Variants in NEIL3 observed in about 807,000 individuals in gnomAD.
NEIL3 encodes the protein nei like DNA glycosylase 3.
Under a neutral mutation model 57.5 loss-of-function variants are expected in NEIL3, and 48 were observed. The ratio of observed to expected loss-of-function variants is 0.83; its 90% CI spans 0.66 to 1.06. The LOEUF is 1.06. Among genes scored for constraint, NEIL3 ranks in the 50% least tolerant of loss-of-function variants. NEIL3 has a pLI of 0.00. For synonymous variants in NEIL3, 261 were observed against 253.2 expected (o/e 1.03, Z -0.29); for missense variants, 717 against 739.1 (o/e 0.97, Z 0.35).
chr4:177,323,442 T>C (rs1219374817), intron 2 of NEIL3, among the ~76,000 whole-genome samples: 1 of 152,180 alleles, frequency 6.6e-6, no homozygotes, highest in Non-Finnish European at 1.5e-5. Flanking sequence ...TACTATATGA[T>C]TGTTCTTTAT....
At chr4:177,334,317 AAAAT>A (rs1039928796) in intron 2 of NEIL3, among the ~76,000 whole-genome samples, 14 of 152,150 alleles carry the variant, frequency 9.2e-5, no homozygotes, top group African/African-American at 2.7e-4. Flanking sequence ...TTAATAAAAC[AAAAT>A]AAATAAAAAT....
At chr4:177,330,931 A>G (rs143353572) in intron 2 of NEIL3, among the ~76,000 whole-genome samples, 156 of 152,310 alleles carry the variant, frequency 1.0e-3, no homozygotes, top group African/African-American at 3.4e-3. Context: ...ATATTGGACA[A>G]TACAGCTCAC....
intron 1 of NEIL3, among the ~76,000 whole-genome samples, chr4:177,311,220 A>G (rs1734469781): frequency 6.6e-6 from 1 of 152,194 alleles, no homozygotes; most frequent in Admixed American, 6.5e-5. Context: ...AAAAACAAAT[A>G]CTTCCTCTTT....
At chr4:177,312,312 C>T (rs920262686) in intron 1 of NEIL3, among the ~76,000 whole-genome samples, 1 of 152,164 alleles carries the variant, frequency 6.6e-6, no homozygotes, top group Non-Finnish European at 1.5e-5. Flanking sequence ...CCCTCTTAAC[C>T]ATGCCATAGC....
At chr4:177,323,861 G>C (rs969462483) in intron 2 of NEIL3, among the ~76,000 whole-genome samples, 2 of 152,148 alleles carry the variant, frequency 1.3e-5, no homozygotes, top group African/African-American at 4.8e-5. Context: ...ACGGCTGTCA[G>C]TAAGTGTTCC....
chr4:177,359,749 A>G (rs1045550641), intron 8 of NEIL3, among the ~76,000 whole-genome samples: 1 of 152,234 alleles, frequency 6.6e-6, no homozygotes, highest in Non-Finnish European at 1.5e-5. Context: ...TGCACAACAC[A>G]GAAAATTTAA....
At chr4:177,351,279 A>C in intron 6 of NEIL3, 101 bp from the exon 7 acceptor site, 1 of 583,246 alleles carries the variant, frequency 1.7e-6, no homozygotes, top group Admixed American at 3.2e-5. Context: ...AATAATAAAG[A>C]GATAGCATTG....
rs372807991 is a variant in NEIL3, at chr4:177,349,113, A to G, written c.870-2267A>G. Reference sequence around the variant, plus strand: ...TAGCCAGGATGGTCTCGATCTCCTGACCTTGTGATCCACACGTCTCGGCCT... The same window carrying G: ...TAGCCAGGATGGTCTCGATCTCCTGGCCTTGTGATCCACACGTCTCGGCCT... On this transcript the variant is annotated intron_variant, in intron 6 of 9. Transcript: ENST00000264596. 2.5e-4 allele frequency among the ~76,000 whole-genome samples: 35 copies of G among 142,786 alleles called. 1 individual carries two copies. In the South Asian group the frequency reaches 7.8e-3, roughly 32 times the overall value. The allele number at this position is 142,786 out of a possible 152,430, so 93.7% of individuals were successfully genotyped here. A position where few individuals can be genotyped will look rare whatever the true frequency, so the allele number is the denominator to read the frequency against.
chr4:177,360,790 A>G (rs1735593433), intron 9 of NEIL3, 113 bp downstream of exon 9: 1 of 790,792 alleles, frequency 1.3e-6, no homozygotes, highest in South Asian at 2.4e-5. Flanking sequence ...AATTTGAAAT[A>G]GCCATATTGG....
intron 8 of NEIL3, among the ~76,000 whole-genome samples, chr4:177,356,244 G>C (rs1229281548): frequency 1.3e-5 from 2 of 151,998 alleles, no homozygotes; most frequent in Admixed American, 6.6e-5. Flanking sequence ...ATGAATTAGG[G>C]ATTTAAAAAA....
intron 1 of NEIL3, 37 bp from the exon 2 acceptor site, chr4:177,322,421 GT>G: frequency 6.2e-7 from 1 of 1,612,662 alleles, no homozygotes; most frequent in Non-Finnish European, 8.5e-7. Flanking sequence ...GAGTTTGTGT[GT>G]GTGTGTGCTT....
chr4:177,345,409 G>A (rs528462145), intron 6 of NEIL3, among the ~76,000 whole-genome samples: 2 of 152,198 alleles, frequency 1.3e-5, no homozygotes, highest in South Asian at 4.1e-4. Flanking sequence ...GTTTGGAAAT[G>A]TGGCTGTAGT....
the NEIL3 span, among the ~76,000 whole-genome samples, chr4:177,370,417 T>A: frequency 5.9e-5 from 9 of 152,190 alleles, no homozygotes; most frequent in Admixed American, 5.9e-4. Flanking sequence ...TTTCACCCCA[T>A]GATGGATCCA....
intron 1 of NEIL3, among the ~76,000 whole-genome samples, chr4:177,320,469 T>TGTC (rs869211469): frequency 0.14 from 7,738 of 53,736 alleles, 398 homozygotes; most frequent in African/African-American, 0.24. Context: ...CTGCTGTCTT[T>TGTC]TTTTTTTTTT....
chr4:177,326,481 A>G (rs941922910), intron 2 of NEIL3, among the ~76,000 whole-genome samples: 1 of 152,086 alleles, frequency 6.6e-6, no homozygotes, highest in Non-Finnish European at 1.5e-5. Context: ...AAGTCAGTTT[A>G]AATTAAGTAG....
At chr4:177,354,450 T>C (rs1223336766) in intron 8 of NEIL3, among the ~76,000 whole-genome samples, 1 of 152,192 alleles carries the variant, frequency 6.6e-6, no homozygotes, top group Non-Finnish European at 1.5e-5. Context: ...TTAGTAAGTA[T>C]ACTGTGTTCT....
intron 8 of NEIL3, among the ~76,000 whole-genome samples, chr4:177,359,950 A>C (rs17064718): frequency 2.1e-3 from 322 of 152,354 alleles, no homozygotes; most frequent in African/African-American, 6.9e-3. Context: ...TGTTTCTTGC[A>C]GGAATATGAT....
chr4:177,310,103 C>T lies in NEIL3; in HGVS notation c.150C>T (p.Ser50=), dbSNP rs759606665. 3.0e-5 allele frequency: 47 copies of T among 1,577,830 alleles called. No homozygotes were observed. Among genetic ancestry groups the T allele is most frequent in the East Asian group, 7.1e-5 (3 of 42,380 alleles). Reference sequence around the variant, plus strand: ...TCGCAGCCTCCACGGTTGTGGTCTCCCCGCAGGTGAGCTACTCCTGTAACA... The same window carrying T: ...TCGCAGCCTCCACGGTTGTGGTCTCTCCGCAGGTGAGCTACTCCTGTAACA... The part of the protein sequence containing the change: ...LRLAASTVVV[S]PQAAALNNDS... Residue 50 remains serine (S), a synonymous_variant, in exon 1 of 10, where the codon TCC becomes TCT. Coordinates refer to ENST00000264596, the MANE Select transcript of NEIL3 (RefSeq NM_018248.3).
intron 6 of NEIL3, among the ~76,000 whole-genome samples, chr4:177,346,619 C>A (rs1046387973): frequency 6.6e-6 from 1 of 152,230 alleles, no homozygotes; most frequent in African/African-American, 2.4e-5. Flanking sequence ...CCTCTCCTCC[C>A]TCCGTGCATT....
Sources: gnomAD v4.1 joint callset for allele counts (sites outside exome capture counted in the v4.1 genomes callset) on GRCh38, gnomAD v4.1.1 for gene constraint, MANE v1.5 for transcripts, NCBI Gene and HGNC (gene_info 2026-07-23, HGNC 2026-07-21) for gene names.